ABRACL: variants seen among roughly 807,000 people sequenced by gnomAD.
ABRACL encodes costars family protein ABRACL.
Under a neutral mutation model 7.0 loss-of-function variants are expected in ABRACL, and 4 were observed. That is an observed-to-expected ratio of 0.57 (90% CI 0.28 to 1.30). The LOEUF (loss-of-function observed/expected upper bound fraction) is 1.30. Ranked by LOEUF, ABRACL falls within the 50% of genes most tolerant of loss-of-function variation. ABRACL has a pLI of 0.10. For missense variants in ABRACL, 104 were observed against 97.3 expected (o/e 1.07, Z -0.29); for synonymous variants, 30 against 36.0 (o/e 0.83, Z 0.60).
At position 139,042,977 on chromosome 6, in the gene ABRACL, AT is replaced by A. The variant is rs1786275537; in HGVS notation, c.*77del. 4 of 1,233,354 alleles carry A rather than the reference AT, an allele frequency of 3.2e-6. No individual in the cohort carries two copies. In the Admixed American group the frequency reaches 7.5e-5, roughly 23 times the overall value. 76.4% of individuals were successfully genotyped at this position (1,233,354 alleles called of 1,614,324 possible). On this transcript the variant is annotated 3_prime_UTR_variant, in exon 3 of 3. Coordinates refer to ENST00000367660, the MANE Select transcript of ABRACL (RefSeq NM_021243.3). ...TGGAATATAAAGTGAAAGAACAAAC[AT>A]TTGAACATACTTAATGTATTTTTAT...
At chr6:139,038,606 A>G (rs1786199729) in intron 2 of ABRACL, among the ~76,000 whole-genome samples, 1 of 152,174 alleles carries the variant, frequency 6.6e-6, no homozygotes, top group African/African-American at 2.4e-5. Flanking sequence ...GGGAGAGTGC[A>G]CTTGGAAATT....
chr6:139,032,648 A>T (rs9495316), intron 1 of ABRACL, among the ~76,000 whole-genome samples: 64,490 of 152,024 alleles, frequency 0.42, 14,574 homozygotes, highest in African/African-American at 0.54. Flanking sequence ...ATCCATCTGG[A>T]TAAAGTTGTT....
At chr6:139,029,044 G>A (rs979459790) in intron 1 of ABRACL, among the ~76,000 whole-genome samples, 169 bp downstream of exon 1, 7 of 152,118 alleles carry the variant, frequency 4.6e-5, no homozygotes, top group Non-Finnish European at 8.8e-5. Flanking sequence ...CTCGCGGGTT[G>A]GGGTCCCGTG....
At chr6:139,036,620 G>C (rs918523435) in intron 2 of ABRACL, among the ~76,000 whole-genome samples, 4 of 152,154 alleles carry the variant, frequency 2.6e-5, no homozygotes, top group African/African-American at 9.7e-5. Context: ...GCTAATAACT[G>C]TGTAGTACAA....
chr6:139,032,562 T>A (rs1786098580), intron 1 of ABRACL, among the ~76,000 whole-genome samples: 1 of 152,210 alleles, frequency 6.6e-6, no homozygotes, highest in Non-Finnish European at 1.5e-5. Flanking sequence ...AGTGTCCCAA[T>A]CAATATCATG....
intron 2 of ABRACL, chr6:139,034,529 AT>A: frequency 9.7e-7 from 1 of 1,033,088 alleles, no homozygotes; most frequent in Non-Finnish European, 1.4e-6. Flanking sequence ...TCATGTTCAA[AT>A]TTTTACTTGT....
At chr6:139,037,212 GA>G (rs1786172815) in intron 2 of ABRACL, among the ~76,000 whole-genome samples, 1 of 152,024 alleles carries the variant, frequency 6.6e-6, no homozygotes, top group Non-Finnish European at 1.5e-5. Context: ...GAATGGGAAT[GA>G]ATGTATTGTT....
chr6:139,038,883 A>G (rs1489657413), intron 2 of ABRACL, among the ~76,000 whole-genome samples: 1 of 152,184 alleles, frequency 6.6e-6, no homozygotes, highest in Non-Finnish European at 1.5e-5. Context: ...CCTTATTTGT[A>G]AAACAATAAT....
chr6:139,032,073 G>A (rs1429493431), intron 1 of ABRACL, among the ~76,000 whole-genome samples: 2 of 151,746 alleles, frequency 1.3e-5, no homozygotes, highest in African/African-American at 4.8e-5. Context: ...CCATACTCCT[G>A]CCTCAGCCTC....
chr6:139,041,132 AAG>A (rs1302436211), intron 2 of ABRACL, among the ~76,000 whole-genome samples: 2 of 152,188 alleles, frequency 1.3e-5, no homozygotes, highest in South Asian at 2.1e-4. Context: ...GACGAGGAAA[AAG>A]AAAAAAGCTC....
At chr6:139,032,912 A>G (rs1786103407) in intron 1 of ABRACL, among the ~76,000 whole-genome samples, 1 of 152,218 alleles carries the variant, frequency 6.6e-6, no homozygotes, top group South Asian at 2.1e-4. Context: ...AGTGAGCATT[A>G]TAGTCAGATC....
chr6:139,034,398 C>G, intron 2 of ABRACL, 177 bp downstream of exon 2: 1 of 1,546,982 alleles, frequency 6.5e-7, no homozygotes, highest in Non-Finnish European at 8.7e-7. Flanking sequence ...TCTGGAGACA[C>G]GGGGCTTTTG....
chr6:139,031,745 G>A (rs534847567), intron 1 of ABRACL, among the ~76,000 whole-genome samples: 5 of 152,284 alleles, frequency 3.3e-5, no homozygotes, highest in Non-Finnish European at 7.4e-5. Flanking sequence ...TCATTGTTCT[G>A]GATGGGCTCA....
In ABRACL at chr6:139,041,077, G is replaced by A. The variant is rs759845429; in HGVS notation, c.62-1642G>A. On this transcript the variant is annotated intron_variant, in intron 2 of 2. Transcript: ENST00000367660. Reference sequence around the variant, plus strand: ...AGTAGATGGCAGAGATTTCAACTGAGGACTATTAGGTTTTTAAAAAGCTCA... The same window carrying A: ...AGTAGATGGCAGAGATTTCAACTGAAGACTATTAGGTTTTTAAAAAGCTCA... 2.6e-4 allele frequency among the ~76,000 whole-genome samples: 40 copies of A among 152,180 alleles called. 1 individual carries two copies. In the Middle Eastern group the frequency reaches 0.01, roughly 39 times the overall value.
intron 2 of ABRACL, among the ~76,000 whole-genome samples, chr6:139,037,552 C>T (rs1301137956): frequency 1.3e-5 from 2 of 152,070 alleles, no homozygotes; most frequent in African/African-American, 2.4e-5. Flanking sequence ...TGAGCCACTT[C>T]ATCTGGCCAT....
rs1786096400 is a variant in ABRACL, at chr6:139,032,421, A to G, written c.-6-1734A>G. On this transcript the variant is annotated intron_variant, in intron 1 of 2. Coordinates refer to ENST00000367660, the MANE Select transcript of ABRACL (RefSeq NM_021243.3). ...TTGAACACTATAAATTTTCATATTA[A>G]GTTTTATGAAGATGCATTTAATTGA... Among the ~76,000 whole-genome samples the G allele has an allele frequency of 1.3e-5, 2 of 152,180 alleles. 1 individual carries two copies. Among genetic ancestry groups the G allele is most frequent in the Admixed American group, 1.3e-4 (2 of 15,280 alleles).
chr6:139,043,203 T>A lies in ABRACL; in HGVS notation c.*300T>A. ...TAAATAATTAGACATTTTCTATAGATATTTGACATTCTGCGAAAGCAACAA... is the reference window on the plus strand; with the variant it reads ...TAAATAATTAGACATTTTCTATAGAAATTTGACATTCTGCGAAAGCAACAA... On this transcript the variant is annotated 3_prime_UTR_variant, in exon 3 of 3. Transcript: ENST00000367660. The A allele has an allele frequency of 4.9e-6, 1 of 204,996 alleles. No homozygotes were observed. The highest frequency in any genetic ancestry group is 2.3e-5 in the African/African-American group (1 of 43,582). 12.7% of individuals were successfully genotyped at this position (204,996 alleles called of 1,614,324 possible). A position where few individuals can be genotyped will look rare whatever the true frequency, so the allele number is the denominator to read the frequency against.
chr6:139,030,916 A>C (rs1301187233), intron 1 of ABRACL, among the ~76,000 whole-genome samples: 1 of 152,232 alleles, frequency 6.6e-6, no homozygotes, highest in Non-Finnish European at 1.5e-5. Context: ...ATTAATTATA[A>C]AGAAACGCTG....
intron 2 of ABRACL, among the ~76,000 whole-genome samples, chr6:139,035,667 G>C (rs1459360302): frequency 6.6e-6 from 1 of 151,658 alleles, no homozygotes; most frequent in East Asian, 2.0e-4. Context: ...ATTTTTAGTA[G>C]AGATGGGGTT....
Sources: gnomAD v4.1 joint callset for allele counts (sites outside exome capture counted in the v4.1 genomes callset) on GRCh38, gnomAD v4.1.1 for gene constraint, MANE v1.5 for transcripts, NCBI Gene and HGNC (gene_info 2026-07-23, HGNC 2026-07-21) for gene names.